The following NRXN3 variants were observed in gnomAD, a reference collection of about 807,000 sequenced individuals.
NRXN3 encodes the protein neurexin III.
Under a neutral mutation model 137.6 loss-of-function variants are expected in NRXN3, and 32 were observed. The ratio of observed to expected loss-of-function variants is 0.23; its 90% CI spans 0.18 to 0.31. NRXN3 has a LOEUF of 0.31. NRXN3 is among the 10% of genes least tolerant of loss of function. The pLI, the probability that NRXN3 is intolerant of heterozygous loss-of-function variation, is 1.00. For synonymous variants in NRXN3, 798 were observed against 784.5 expected (o/e 1.02, Z -0.29); for missense variants, 1,574 against 2,062.5 (o/e 0.76, Z 4.59).
chr14:78,486,242 C>T (rs2095557260), intron 4 of NRXN3, among the ~76,000 whole-genome samples: 1 of 152,144 alleles, frequency 6.6e-6, no homozygotes, highest in Admixed American at 6.5e-5. Context: ...CTCCTGGGGC[C>T]TACCTTTTTC....
chr14:79,597,519 T>G (rs1387246788), intron 16 of NRXN3, among the ~76,000 whole-genome samples: 1 of 152,202 alleles, frequency 6.6e-6, no homozygotes, highest in Non-Finnish European at 1.5e-5. Flanking sequence ...AAATATTAGA[T>G]GCAGTGTTAT....
At chr14:79,388,497 C>G (rs1218282145) in intron 15 of NRXN3, among the ~76,000 whole-genome samples, 1 of 152,006 alleles carries the variant, frequency 6.6e-6, no homozygotes. Flanking sequence ...AGTGGGGTTC[C>G]TATTTTCCTT....
At chr14:79,445,767 C>T (rs1377540221) in intron 15 of NRXN3, among the ~76,000 whole-genome samples, 1 of 152,052 alleles carries the variant, frequency 6.6e-6, no homozygotes, top group Admixed American at 6.6e-5. Context: ...GTGCAGTGAG[C>T]AAAAGGAAGT....
At chr14:78,266,000 A>G (rs1423782661) in intron 2 of NRXN3, among the ~76,000 whole-genome samples, 1 of 152,184 alleles carries the variant, frequency 6.6e-6, no homozygotes. Context: ...TGTGAAAAGA[A>G]TATATGTCAA....
chr14:79,199,684 A>G (rs1241397182), intron 15 of NRXN3, among the ~76,000 whole-genome samples: 2 of 152,236 alleles, frequency 1.3e-5, no homozygotes, highest in Admixed American at 6.5e-5. Context: ...TCCCTGGGGT[A>G]GTCAAAGGAA....
intron 15 of NRXN3, among the ~76,000 whole-genome samples, chr14:79,329,938 T>G (rs998798908): frequency 6.6e-6 from 1 of 151,792 alleles, no homozygotes; most frequent in Non-Finnish European, 1.5e-5. Context: ...CATCCTGGGT[T>G]CAAGCAATTC....
At chr14:79,119,951 C>G (rs989171333) in intron 15 of NRXN3, among the ~76,000 whole-genome samples, 1 of 151,996 alleles carries the variant, frequency 6.6e-6, no homozygotes, top group East Asian at 1.9e-4. Context: ...TCAATATACT[C>G]TATTGTATTC....
chr14:79,136,915 C>G (rs1206002986), intron 15 of NRXN3, among the ~76,000 whole-genome samples: 1 of 152,262 alleles, frequency 6.6e-6, no homozygotes. Context: ...GAAAAGAGCT[C>G]AGAAAACTAC....
chr14:78,193,595 C>T (rs1306868048), intron 1 of NRXN3, among the ~76,000 whole-genome samples: 3 of 151,976 alleles, frequency 2.0e-5, no homozygotes, highest in East Asian at 3.9e-4. Flanking sequence ...AACCCCATCT[C>T]TACTAAAAAT....
At chr14:79,785,922 T>C (rs2099127971) in intron 19 of NRXN3, among the ~76,000 whole-genome samples, 1 of 151,816 alleles carries the variant, frequency 6.6e-6, no homozygotes. Flanking sequence ...AGATGGTAAA[T>C]AACCACTGTG....
chr14:79,424,632 G>A (rs1421419881), intron 15 of NRXN3, among the ~76,000 whole-genome samples: 1 of 152,144 alleles, frequency 6.6e-6, no homozygotes, highest in African/African-American at 2.4e-5. Context: ...AGTTTCTCTA[G>A]TTCCTGAGCC....
chr14:78,685,114 AGAG>A (rs969597956), intron 6 of NRXN3, among the ~76,000 whole-genome samples: 1 of 152,208 alleles, frequency 6.6e-6, no homozygotes, highest in Non-Finnish European at 1.5e-5. Flanking sequence ...TTAGGACCAC[AGAG>A]GAGGAGCCAT....
chr14:78,938,811 A>T (rs527493896), intron 10 of NRXN3, among the ~76,000 whole-genome samples: 1 of 149,226 alleles, frequency 6.7e-6, no homozygotes, highest in East Asian at 2.0e-4. Context: ...CTCCCCAGCC[A>T]TGTAGACTTT....
chr14:79,052,550 C>G (rs2099643504), intron 15 of NRXN3, among the ~76,000 whole-genome samples: 1 of 152,188 alleles, frequency 6.6e-6, no homozygotes, highest in South Asian at 2.1e-4. Context: ...TTGGCCTGAG[C>G]CTCTGTGTCA....
chr14:78,913,274 C>CTTTCTTTCTTTCTTT (rs1225280841), intron 10 of NRXN3, among the ~76,000 whole-genome samples: 1 of 47,852 alleles, frequency 2.1e-5, no homozygotes, highest in East Asian at 7.8e-4. Flanking sequence ...TTCTTTCTTT[C>CTTTCTTTCTTTCTTT]TTTTTTTTTT....
intron 15 of NRXN3, among the ~76,000 whole-genome samples, chr14:79,150,459 C>T (rs1363652014): frequency 2.6e-5 from 4 of 151,814 alleles, no homozygotes; most frequent in Non-Finnish European, 4.4e-5. Flanking sequence ...ATGTGACTAA[C>T]ACCCTCAGCT....
intron 16 of NRXN3, among the ~76,000 whole-genome samples, chr14:79,592,436 G>A (rs1313193852): frequency 6.6e-6 from 1 of 151,954 alleles, no homozygotes; most frequent in Non-Finnish European, 1.5e-5. Context: ...TTATTACCTT[G>A]AAGTTTTAAT....
In NRXN3 at chr14:78,759,295, A is replaced by C. The variant is rs559582178; in HGVS notation, c.2044+44156A>C. Among the ~76,000 whole-genome samples the C allele has an allele frequency of 4.6e-5, 7 of 152,322 alleles. No individual in the cohort carries two copies. The South Asian group carries it at 1.5e-3, about 32-fold the overall frequency. On this transcript the variant is annotated intron_variant, in intron 8 of 20. Transcript: ENST00000335750. Reference sequence around the variant, plus strand: ...AACAAGAATGATAACAACGACAAACATTAAGTCAGCTCTGTGAACCAGCCT... The same window carrying C: ...AACAAGAATGATAACAACGACAAACCTTAAGTCAGCTCTGTGAACCAGCCT...
At position 78,711,609 on chromosome 14, in the gene NRXN3, T is replaced by G. The variant is rs539197268; in HGVS notation, c.1660+1954T>G. On this transcript the variant is annotated intron_variant, in intron 7 of 20. Coordinates refer to ENST00000335750, the MANE Select transcript of NRXN3 (RefSeq NM_001330195.2). ...GCACCCTCCACCAAGCCCAGCTAATTTTTGTCTATTTAGTAGAGACAGGGT... is the reference window on the plus strand; with the variant it reads ...GCACCCTCCACCAAGCCCAGCTAATGTTTGTCTATTTAGTAGAGACAGGGT... Among the ~76,000 whole-genome samples, 5 of 152,124 alleles carry G rather than the reference T, an allele frequency of 3.3e-5. No homozygotes were observed. In the East Asian group the frequency reaches 9.7e-4, roughly 30 times the overall value.
Sources: allele counts gnomAD v4.1 joint callset (sites outside exome capture counted in the v4.1 genomes callset), GRCh38; gene constraint gnomAD v4.1.1; transcripts MANE v1.5; gene names NCBI Gene and HGNC (gene_info 2026-07-23, HGNC 2026-07-21).